The following PIK3AP1 variants were observed in gnomAD, a reference collection of about 807,000 sequenced individuals.
The protein encoded by PIK3AP1 is phosphoinositide 3-kinase adapter protein 1.
In PIK3AP1, 21 loss-of-function variants were observed where a neutral mutation model predicts 88.1. That is an observed-to-expected ratio of 0.24 (90% CI 0.17 to 0.34). The LOEUF is 0.34. Ranked by LOEUF, PIK3AP1 falls within the 10% of genes least tolerant of loss-of-function variation. The probability of loss-of-function intolerance (pLI) is 1.00; values close to 1 mark genes in which losing one functional copy is unlikely to be tolerated. For synonymous variants in PIK3AP1, 398 were observed against 400.0 expected, an observed-to-expected ratio of 1.00 and a Z score of 0.06; for missense variants, 828 against 1,035.7, an observed-to-expected ratio of 0.80 and a Z score of 2.75.
intron 2 of PIK3AP1, among the ~76,000 whole-genome samples, chr10:96,688,942 CAACCGACTA>C (rs1844113996): frequency 6.6e-6 from 1 of 152,058 alleles, no homozygotes; most frequent in Non-Finnish European, 1.5e-5. Context: ...TCTCTACATC[CAACCGACTA>C]AAGAACAAGA....
chr10:96,653,405 CA>C (rs779735112), intron 3 of PIK3AP1, among the ~76,000 whole-genome samples: 1,562 of 67,384 alleles, frequency 0.023, 13 homozygotes, highest in Middle Eastern at 0.071. Flanking sequence ...GGCTCTGTCT[CA>C]AAAAAAAAAA....
intron 2 of PIK3AP1, among the ~76,000 whole-genome samples, chr10:96,666,704 T>G (rs1338299851): frequency 6.6e-6 from 1 of 152,080 alleles, no homozygotes; most frequent in Non-Finnish European, 1.5e-5. Flanking sequence ...TGTTAAATAT[T>G]ATGGTGACTG....
intron 8 of PIK3AP1, among the ~76,000 whole-genome samples, chr10:96,633,577 A>G (rs7921189): frequency 0.46 from 70,081 of 151,700 alleles, 16,384 homozygotes; most frequent in African/African-American, 0.53. Context: ...TACTATTATT[A>G]TTATTTTTAT....
intron 11 of PIK3AP1, chr10:96,621,850 G>A (rs1843088520): frequency 1.3e-5 from 2 of 152,238 alleles, no homozygotes; most frequent in Admixed American, 1.3e-4. Flanking sequence ...AGGATGTTCA[G>A]CAGCATCCCT....
chr10:96,638,571 T>C (rs1002844686), intron 8 of PIK3AP1, among the ~76,000 whole-genome samples: 13 of 151,932 alleles, frequency 8.6e-5, no homozygotes, highest in Admixed American at 2.0e-4. Flanking sequence ...TGCGGATAAA[T>C]AGTTTAGGAG....
intron 8 of PIK3AP1, among the ~76,000 whole-genome samples, chr10:96,640,464 A>G (rs1369192287): frequency 6.6e-6 from 1 of 152,168 alleles, no homozygotes; most frequent in East Asian, 1.9e-4. Flanking sequence ...AGGGACCACC[A>G]GGACTACCAT....
chr10:96,609,918 T>G, intron 13 of PIK3AP1, 51 bp from the exon 14 acceptor site: 2 of 1,587,494 alleles, frequency 1.3e-6, no homozygotes, highest in Non-Finnish European at 1.7e-6. Flanking sequence ...GACTGTCACC[T>G]GCCAAGCTGC....
Position 96,709,992 on chromosome 10 carries a change from G to C in PIK3AP1, c.14-9C>G. ...GCATCCTCTGGGCACCCCTGGACAA[G>C]AATGAGGCACAGAAGCATGTTAGCA... On this transcript the variant is annotated splice_polypyrimidine_tract_variant and intron_variant, in intron 1 of 16. Coordinates refer to ENST00000339364, the MANE Select transcript of PIK3AP1 (RefSeq NM_152309.3). 6.4e-7 allele frequency: 1 copy of C among 1,569,060 alleles called. No homozygotes were observed. The highest frequency in any genetic ancestry group is 8.7e-7 in the Non-Finnish European group (1 of 1,151,752).
intron 8 of PIK3AP1, among the ~76,000 whole-genome samples, chr10:96,641,273 G>A (rs61856767): frequency 0.059 from 9,042 of 152,078 alleles, 342 homozygotes; most frequent in Non-Finnish European, 0.094. Flanking sequence ...TCCAACTCAG[G>A]TGGTTGCCTT....
chr10:96,675,904 A>G (rs12267734), intron 2 of PIK3AP1, among the ~76,000 whole-genome samples: 3,340 of 152,338 alleles, frequency 0.022, 42 homozygotes, highest in Middle Eastern at 0.051. Flanking sequence ...TTAGAATTGT[A>G]TAAGGCCATC....
At chr10:96,615,988 C>T (rs1006524810) in intron 13 of PIK3AP1, among the ~76,000 whole-genome samples, 3 of 152,198 alleles carry the variant, frequency 2.0e-5, no homozygotes, top group Non-Finnish European at 4.4e-5. Flanking sequence ...AGGCTGGCCT[C>T]GGTTAATCAC....
At chr10:96,645,399 G>T (rs571837806) in intron 8 of PIK3AP1, 74 bp downstream of exon 8, 46 of 1,499,176 alleles carry the variant, frequency 3.1e-5, no homozygotes, top group Non-Finnish European at 3.8e-5. Flanking sequence ...ACTGCCCCGC[G>T]CCATCTTCAT....
chr10:96,719,021 G>A (rs1844538794), intron 1 of PIK3AP1, among the ~76,000 whole-genome samples: 1 of 152,062 alleles, frequency 6.6e-6, no homozygotes, highest in Non-Finnish European at 1.5e-5. Context: ...CCTAACCCCA[G>A]TCTCCCTCAC....
chr10:96,599,862 C>T (rs1280371417), intron 16 of PIK3AP1, among the ~76,000 whole-genome samples: 1 of 152,164 alleles, frequency 6.6e-6, no homozygotes, highest in Non-Finnish European at 1.5e-5. Context: ...ATCTCTATCA[C>T]AACTTGCTTC....
intron 2 of PIK3AP1, among the ~76,000 whole-genome samples, chr10:96,667,418 G>A (rs1000311181): frequency 6.6e-5 from 10 of 152,284 alleles, no homozygotes; most frequent in Admixed American, 3.9e-4. Flanking sequence ...TTTCTTGAGC[G>A]GTTACAATAT....
intron 1 of PIK3AP1, among the ~76,000 whole-genome samples, chr10:96,710,309 C>A (rs1402038382): frequency 6.6e-6 from 1 of 152,152 alleles, no homozygotes; most frequent in African/African-American, 2.4e-5. Flanking sequence ...GCAACCTCTG[C>A]CTCCCGGGTT....
chr10:96,654,139 A>G (rs1843582100), intron 3 of PIK3AP1, among the ~76,000 whole-genome samples: 1 of 152,122 alleles, frequency 6.6e-6, no homozygotes, highest in Non-Finnish European at 1.5e-5. Context: ...CCACTGGGCA[A>G]AAAGAACTTC....
chr10:96,596,673 T>G (rs1848758378), intron 16 of PIK3AP1, among the ~76,000 whole-genome samples: 1 of 152,194 alleles, frequency 6.6e-6, no homozygotes, highest in Non-Finnish European at 1.5e-5. Flanking sequence ...GAAACTTCCC[T>G]CCATGTTATT....
At chr10:96,595,700 C>T (rs1347717301) in intron 16 of PIK3AP1, 66 bp from the exon 17 acceptor site, 2 of 1,504,616 alleles carry the variant, frequency 1.3e-6, no homozygotes, top group Non-Finnish European at 1.8e-6. Context: ...TAGGAATGCA[C>T]AATTTGTTGC....
Sources: gnomAD v4.1 joint callset for allele counts (sites outside exome capture counted in the v4.1 genomes callset) on GRCh38, gnomAD v4.1.1 for gene constraint, MANE v1.5 for transcripts, NCBI Gene and HGNC (gene_info 2026-07-23, HGNC 2026-07-21) for gene names.